The following POU6F2 variants were observed in gnomAD, a reference collection of about 807,000 sequenced individuals.
POU6F2 encodes the protein POU class 6 homeobox 2, also known as POU domain, class 6, transcription factor 2.
A neutral mutation model predicts 71.3 loss-of-function variants in POU6F2; 31 were observed. The observed-to-expected ratio is 0.43, with a 90% CI of 0.33 to 0.59. The LOEUF is 0.59. Among genes scored for constraint, POU6F2 ranks in the 20% least tolerant of loss-of-function variants. The pLI is 0.04. For synonymous variants in POU6F2, 347 were observed against 355.7 expected (o/e 0.98, Z 0.27); for missense variants, 783 against 856.8 (o/e 0.91, Z 1.07).
At chr7:39,086,395 C>T (rs550310145) in intron 2 of POU6F2, among the ~76,000 whole-genome samples, 15 of 152,190 alleles carry the variant, frequency 9.9e-5, no homozygotes, top group African/African-American at 3.6e-4. Context: ...CAGGTTGCTT[C>T]GCAGCCTTTT....
chr7:39,380,168 C>G (rs1786797602), intron 5 of POU6F2, among the ~76,000 whole-genome samples: 1 of 152,154 alleles, frequency 6.6e-6, no homozygotes. Flanking sequence ...CTGTATAAAC[C>G]TGGCCTAAAA....
At chr7:39,260,721 T>C (rs1248236241) in intron 4 of POU6F2, among the ~76,000 whole-genome samples, 2 of 150,578 alleles carry the variant, frequency 1.3e-5, no homozygotes, top group African/African-American at 4.9e-5. Flanking sequence ...ACACCACATA[T>C]ACTACACCAC....
chr7:39,217,563 G>A (rs965894997), intron 4 of POU6F2, among the ~76,000 whole-genome samples: 15 of 152,152 alleles, frequency 9.9e-5, no homozygotes, highest in Admixed American at 3.3e-4. Flanking sequence ...TGAGAAGAAA[G>A]GACTTTGGTT....
intron 2 of POU6F2, among the ~76,000 whole-genome samples, chr7:39,134,813 G>C (rs1229998067): frequency 6.6e-6 from 1 of 152,140 alleles, no homozygotes; most frequent in African/African-American, 2.4e-5. Flanking sequence ...TGATTTGATA[G>C]GTCCCAAATG....
chr7:39,312,365 T>C (rs925841525), intron 4 of POU6F2, among the ~76,000 whole-genome samples: 1 of 152,206 alleles, frequency 6.6e-6, no homozygotes, highest in African/African-American at 2.4e-5. Flanking sequence ...AAAGTACCCA[T>C]AGTAAGCTGG....
At chr7:38,998,539 C>T (rs567131463) in intron 1 of POU6F2, among the ~76,000 whole-genome samples, 3 of 152,146 alleles carry the variant, frequency 2.0e-5, no homozygotes, top group African/African-American at 7.2e-5. Context: ...ACATAAATGC[C>T]ATTAGGAGAT....
At chr7:39,170,627 G>T (rs1283572091) in intron 2 of POU6F2, among the ~76,000 whole-genome samples, 2 of 152,050 alleles carry the variant, frequency 1.3e-5, no homozygotes, top group African/African-American at 2.4e-5. Flanking sequence ...CATTTAAAAT[G>T]ACTTTTAAGC....
chr7:39,376,102 A>G (rs1199089650), intron 5 of POU6F2, among the ~76,000 whole-genome samples: 134 of 152,146 alleles, frequency 8.8e-4, no homozygotes, highest in Non-Finnish European at 1.5e-5. Context: ...ACTTAGCACA[A>G]TGCTGTTGGG....
At chr7:39,424,212 C>A (rs561259002) in intron 6 of POU6F2, among the ~76,000 whole-genome samples, 1 of 152,264 alleles carries the variant, frequency 6.6e-6, no homozygotes, top group East Asian at 1.9e-4. Context: ...TTATATTGGA[C>A]TTGAGGTTTC....
intron 4 of POU6F2, among the ~76,000 whole-genome samples, chr7:39,294,089 A>G (rs1583503122): frequency 6.6e-6 from 1 of 152,118 alleles, no homozygotes; most frequent in South Asian, 2.1e-4. Context: ...GTTGATTAGT[A>G]AAAGGAAATA....
chr7:39,410,309 C>T (rs1787527097), intron 6 of POU6F2, among the ~76,000 whole-genome samples: 1 of 152,018 alleles, frequency 6.6e-6, no homozygotes, highest in Non-Finnish European at 1.5e-5. Flanking sequence ...ACCCTGTCTC[C>T]AAAATAAATA....
chr7:39,002,343 T>C (rs1178652960), intron 1 of POU6F2, among the ~76,000 whole-genome samples: 1 of 98,010 alleles, frequency 1.0e-5, no homozygotes, highest in African/African-American at 3.7e-5. Flanking sequence ...AGTTTTGTTG[T>C]TGTTGTTGTT....
chr7:39,238,461 C>T (rs903395906), intron 4 of POU6F2, among the ~76,000 whole-genome samples: 32 of 152,154 alleles, frequency 2.1e-4, no homozygotes, highest in Admixed American at 1.6e-3. Flanking sequence ...GGAATACAGC[C>T]ACATCCATTT....
At chr7:39,174,948 C>T (rs577585284) in intron 2 of POU6F2, among the ~76,000 whole-genome samples, 30 of 152,282 alleles carry the variant, frequency 2.0e-4, no homozygotes, top group African/African-American at 6.7e-4. Context: ...CCATGTGCTC[C>T]TTGTACTCTT....
chr7:39,342,015 T>A (rs1052491079), intron 5 of POU6F2, among the ~76,000 whole-genome samples: 2 of 152,254 alleles, frequency 1.3e-5, no homozygotes, highest in African/African-American at 4.8e-5. Context: ...TTTGTAACAC[T>A]GAGAGAATAT....
intron 2 of POU6F2, among the ~76,000 whole-genome samples, chr7:39,196,294 G>C (rs1411963151): frequency 1.3e-5 from 2 of 150,006 alleles, no homozygotes; most frequent in African/African-American, 5.1e-5. Flanking sequence ...CATAGATAAT[G>C]AGTTAGAAAA....
intron 4 of POU6F2, among the ~76,000 whole-genome samples, chr7:39,317,641 A>G (rs977335410): frequency 6.6e-6 from 1 of 152,224 alleles, no homozygotes; most frequent in Non-Finnish European, 1.5e-5. Context: ...ATTGAATCAT[A>G]TATTTACAGG....
chr7:39,179,036 C>G (rs1239436341), intron 2 of POU6F2, among the ~76,000 whole-genome samples: 2 of 152,082 alleles, frequency 1.3e-5, no homozygotes, highest in Non-Finnish European at 2.9e-5. Flanking sequence ...TTCTGGAAGC[C>G]TGTGTTTCAA....
chr7:39,201,896 A>G (rs1051719912), intron 2 of POU6F2, among the ~76,000 whole-genome samples: 1 of 152,148 alleles, frequency 6.6e-6, no homozygotes, highest in Non-Finnish European at 1.5e-5. Context: ...GGATTAGTTT[A>G]TGGTCCTGCA....
Sources: allele counts gnomAD v4.1 joint callset (sites outside exome capture counted in the v4.1 genomes callset), GRCh38; gene constraint gnomAD v4.1.1; transcripts MANE v1.5; gene names NCBI Gene and HGNC (gene_info 2026-07-23, HGNC 2026-07-21).